The following CBFA2T3 variants were observed in gnomAD, a reference collection of about 807,000 sequenced individuals.
CBFA2T3 encodes CBFA2/RUNX1 partner transcriptional co-repressor 3.
A neutral mutation model predicts 58.6 loss-of-function variants in CBFA2T3; 31 were observed. The ratio of observed to expected loss-of-function variants is 0.53; its 90% CI spans 0.40 to 0.71. CBFA2T3 has a LOEUF of 0.71. Among genes scored for constraint, CBFA2T3 ranks in the 30% least tolerant of loss-of-function variants. CBFA2T3 has a pLI of 0.00. For synonymous variants in CBFA2T3, 531 were observed against 421.9 expected (o/e 1.26, Z -3.17); for missense variants, 1,076 against 963.1 (o/e 1.12, Z -1.55).
intron 1 of CBFA2T3, among the ~76,000 whole-genome samples, chr16:88,967,706 T>TG (rs1972550261): frequency 1.3e-5 from 2 of 152,122 alleles, no homozygotes; most frequent in Admixed American, 6.5e-5. Flanking sequence ...TGGCTTCTCC[T>TG]GGGGGGTTAA....
chr16:88,968,770 G>A (rs1315457350), intron 1 of CBFA2T3, among the ~76,000 whole-genome samples: 2 of 152,194 alleles, frequency 1.3e-5, no homozygotes, highest in African/African-American at 2.4e-5. Flanking sequence ...CCCCTCCAGC[G>A]GGGACGCCTC....
At chr16:88,963,874 C>T (rs1972428883) in intron 1 of CBFA2T3, among the ~76,000 whole-genome samples, 1 of 152,212 alleles carries the variant, frequency 6.6e-6, no homozygotes, top group Non-Finnish European at 1.5e-5. Flanking sequence ...CCTGGCCTGG[C>T]CACACGGGCG....
chr16:88,976,910 G>T lies in CBFA2T3; in HGVS notation c.-103C>A. 1 of 1,379,504 alleles carries T rather than the reference G, an allele frequency of 7.2e-7. No homozygotes were observed. Among genetic ancestry groups the T allele is most frequent in the Non-Finnish European group, 9.7e-7 (1 of 1,028,638 alleles). 85.5% of individuals were successfully genotyped at this position (1,379,504 alleles called of 1,614,324 possible). On this transcript the variant is annotated 5_prime_UTR_variant, in exon 1 of 12. Transcript: ENST00000268679. ...GCCTTGAGGGAAAGAGGAGGGGCTG[G>T]GCCAGCTGGGGCGTCCTGGAGTTGG...
At chr16:88,929,693 C>T (rs549126731) in intron 1 of CBFA2T3, among the ~76,000 whole-genome samples, 94 of 149,054 alleles carry the variant, frequency 6.3e-4, no homozygotes, top group African/African-American at 2.2e-3. Context: ...CCCACAGCTG[C>T]GTGGTCCACG....
At chr16:88,909,780 G>A (rs1567600910) in intron 1 of CBFA2T3, among the ~76,000 whole-genome samples, 1 of 152,330 alleles carries the variant, frequency 6.6e-6, no homozygotes, top group East Asian at 1.9e-4. Flanking sequence ...GAGAGGTGAG[G>A]TCATCTGAGG....
At chr16:88,976,133 C>T (rs1288868437) in intron 1 of CBFA2T3, among the ~76,000 whole-genome samples, 1 of 152,216 alleles carries the variant, frequency 6.6e-6, no homozygotes. Flanking sequence ...CCCAGGTTCC[C>T]CGTAAACCCC....
intron 1 of CBFA2T3, among the ~76,000 whole-genome samples, chr16:88,963,878 A>G (rs1053408712): frequency 2.0e-5 from 3 of 152,232 alleles, no homozygotes; most frequent in Non-Finnish European, 4.4e-5. Context: ...GCCTGGCCAC[A>G]CGGGCGTGGG....
intron 1 of CBFA2T3, among the ~76,000 whole-genome samples, chr16:88,966,133 G>T (rs1052719218): frequency 6.6e-6 from 1 of 152,228 alleles, no homozygotes; most frequent in Non-Finnish European, 1.5e-5. Flanking sequence ...GGGCTTTCCC[G>T]GTTTGTGTGG....
At chr16:88,971,724 C>G (rs548573560) in intron 1 of CBFA2T3, among the ~76,000 whole-genome samples, 1 of 152,358 alleles carries the variant, frequency 6.6e-6, no homozygotes, top group Admixed American at 6.5e-5. Flanking sequence ...TCAGACAGGC[C>G]TCTCTTTTCC....
intron 1 of CBFA2T3, among the ~76,000 whole-genome samples, chr16:88,934,608 G>A (rs1388907586): frequency 6.6e-6 from 1 of 152,268 alleles, no homozygotes; most frequent in Non-Finnish European, 1.5e-5. Flanking sequence ...GCCCAGAGGA[G>A]CGGAGAGGAG....
rs946058360 is a variant in CBFA2T3 at position 88,875,764 on chromosome 16, A to C, written c.*1212T>G. On this transcript the variant is annotated 3_prime_UTR_variant, in exon 12 of 12. Coordinates refer to ENST00000268679, the MANE Select transcript of CBFA2T3 (RefSeq NM_005187.6). ...GAGAATCAACCCAAAAGATTGTCAC[A>C]GTTTTGTTTCGGAATTATGCTCTCT... 1 of 233,502 alleles carries C rather than the reference A, an allele frequency of 4.3e-6. No homozygotes were observed. The highest frequency in any genetic ancestry group is 8.5e-6 in the Non-Finnish European group (1 of 118,068). 14.5% of individuals were successfully genotyped at this position (233,502 alleles called of 1,614,324 possible).
intron 1 of CBFA2T3, among the ~76,000 whole-genome samples, chr16:88,925,799 G>A (rs552027697): frequency 2.0e-5 from 3 of 152,346 alleles, no homozygotes; most frequent in South Asian, 4.1e-4. Context: ...CTGCTCCCCG[G>A]CGACGGGCTT....
chr16:88,964,702 C>A (rs111927730), intron 1 of CBFA2T3, among the ~76,000 whole-genome samples: 4,642 of 152,228 alleles, frequency 0.03, 98 homozygotes, highest in Non-Finnish European at 0.049. Context: ...TTCCTGCTTC[C>A]TTACCTTTTT....
Position 88,876,813 on chromosome 16 carries a change from A to G in CBFA2T3, c.*163T>C, listed in dbSNP as rs1190260341. ...TTGTTGGTTCTGTGTCTTCTTTCGG[A>G]GAGGGGCAGTAGCAGCAGTGACTAA... is the stretch of plus-strand genomic sequence containing the variant. On this transcript the variant is annotated 3_prime_UTR_variant, in exon 12 of 12. Transcript: ENST00000268679. 2 of 537,218 alleles carry G rather than the reference A, an allele frequency of 3.7e-6. No homozygotes were observed. Among genetic ancestry groups the G allele is most frequent in the Non-Finnish European group, 6.3e-6 (2 of 319,592 alleles). The allele number at this position is 537,218 out of a possible 1,614,324, so 33.3% of individuals were successfully genotyped here. A position where few individuals can be genotyped will look rare whatever the true frequency, so the allele number is the denominator to read the frequency against.
In CBFA2T3 at chr16:88,875,149, G is replaced by A. The variant is rs541488822; in HGVS notation, c.*1827C>T. On this transcript the variant is annotated 3_prime_UTR_variant, in exon 12 of 12. Transcript: ENST00000268679. ...GATGCCAGGCCACGGGCCACGCCAC[G>A]CACACAGATGCCAGGCCACGGGCCA... 5.8e-4 allele frequency: 135 copies of A among 232,680 alleles called. No individual in the cohort carries two copies. Among genetic ancestry groups the A allele is most frequent in the African/African-American group, 1.4e-3 (63 of 44,308 alleles). The allele number at this position is 232,680 out of a possible 1,614,324, so 14.4% of individuals were successfully genotyped here.
intron 1 of CBFA2T3, among the ~76,000 whole-genome samples, chr16:88,948,238 C>G (rs1333802311): frequency 6.6e-6 from 1 of 152,230 alleles, no homozygotes; most frequent in Non-Finnish European, 1.5e-5. Flanking sequence ...CAAATCGGTT[C>G]TGTCCCCCCT....
intron 1 of CBFA2T3, among the ~76,000 whole-genome samples, chr16:88,960,034 A>G (rs1483865692): frequency 1.3e-5 from 2 of 152,182 alleles, no homozygotes. Flanking sequence ...CCAAAAAATA[A>G]TAATAATAAA....
chr16:88,960,350 T>C (rs532083475), intron 1 of CBFA2T3, among the ~76,000 whole-genome samples: 2 of 152,320 alleles, frequency 1.3e-5, no homozygotes, highest in East Asian at 3.9e-4. Flanking sequence ...GACGGGGTTA[T>C]GGGTGCAGAG....
chr16:88,901,600 T>C lies in CBFA2T3; in HGVS notation c.208A>G (p.Lys70Glu). 2 of 1,518,314 alleles carry C rather than the reference T, an allele frequency of 1.3e-6. No individual in the cohort carries two copies. The highest frequency in any genetic ancestry group is 1.7e-4 in the Middle Eastern group (1 of 5,828). 94.1% of individuals were successfully genotyped at this position (1,518,314 alleles called of 1,614,324 possible). The change falls in exon 2 of 12, where the codon AAG becomes GAG. Residue 70 changes from lysine to glutamate, a missense_variant. Physicochemically the swap from Lys to Glu is moderately conservative, Grantham distance 56. Coordinates refer to ENST00000268679, the MANE Select transcript of CBFA2T3 (RefSeq NM_005187.6). ...SAMPDSPAEV[K>E]TQPRSTPPSM... is the part of the protein sequence containing the mutation. ...GGGGGTGTGGACCGGGGCTGCGTCTTCACCTCCGCTGGGGAGTCCGGCATC... is the reference window on the plus strand; with the variant it reads ...GGGGGTGTGGACCGGGGCTGCGTCTCCACCTCCGCTGGGGAGTCCGGCATC...
Sources: gnomAD v4.1 joint callset for allele counts (sites outside exome capture counted in the v4.1 genomes callset) on GRCh38, gnomAD v4.1.1 for gene constraint, MANE v1.5 for transcripts, NCBI Gene and HGNC (gene_info 2026-07-23, HGNC 2026-07-21) for gene names.